The following NRXN3 variants were observed in gnomAD, a reference collection of about 807,000 sequenced individuals.
NRXN3 encodes the protein neurexin III.
In NRXN3, 32 loss-of-function variants were observed where a neutral mutation model predicts 137.6. That is an observed-to-expected ratio of 0.23 (90% CI 0.18 to 0.31). NRXN3 has a LOEUF of 0.31. NRXN3 is among the 10% of genes least tolerant of loss of function. The pLI, the probability that NRXN3 is intolerant of heterozygous loss-of-function variation, is 1.00. For synonymous variants in NRXN3, 798 were observed against 784.5 expected (o/e 1.02, Z -0.29); for missense variants, 1,574 against 2,062.5 (o/e 0.76, Z 4.59).
At chr14:78,175,400 C>A (rs112558141) in intron 1 of NRXN3, among the ~76,000 whole-genome samples, 3 of 152,298 alleles carry the variant, frequency 2.0e-5, no homozygotes, top group African/African-American at 7.2e-5. Context: ...CGGCCGTGTT[C>A]TCCTTACATG....
chr14:78,869,748 C>G (rs550234142), intron 10 of NRXN3, among the ~76,000 whole-genome samples: 1 of 152,230 alleles, frequency 6.6e-6, no homozygotes, highest in South Asian at 2.1e-4. Context: ...TCTGTGTGTA[C>G]TTCATCTTAT....
At chr14:79,140,074 CAAT>C (rs2058653188) in intron 15 of NRXN3, among the ~76,000 whole-genome samples, 1 of 151,890 alleles carries the variant, frequency 6.6e-6, no homozygotes, top group Admixed American at 6.6e-5. Flanking sequence ...TTTTTGAAGA[CAAT>C]AAAATTGTCA....
At position 78,208,520 on chromosome 14, in the gene NRXN3, C is replaced by A. The variant is rs60973131; in HGVS notation, c.-703-33871C>A. Among the ~76,000 whole-genome samples, 1,175 of 152,322 alleles carry A rather than the reference C, an allele frequency of 7.7e-3. 35 individuals carry two copies. The East Asian group carries it at 0.099, about 13-fold the overall frequency. On this transcript the variant is annotated intron_variant, in intron 1 of 20. Coordinates refer to ENST00000335750, the MANE Select transcript of NRXN3 (RefSeq NM_001330195.2). ...TTAAAATTCAGATCAAATGCCTCCT[C>A]TCTGAGGCCATCCCTATACCAGTGG... is the stretch of plus-strand genomic sequence containing the variant.
rs376087923 is a variant in NRXN3 at position 79,861,985 on chromosome 14, C to A, written c.*21C>A. The A allele has an allele frequency of 6.4e-6, 10 of 1,568,968 alleles. No homozygotes were observed. Among genetic ancestry groups the A allele is most frequent in the African/African-American group, 1.4e-5 (1 of 73,690 alleles). Reference sequence around the variant, plus strand: ...TGTAAACATGCGAACACTGCTCACACGCGAGTTTTCACAGTTATTTCTATC... The same window carrying A: ...TGTAAACATGCGAACACTGCTCACAAGCGAGTTTTCACAGTTATTTCTATC... On this transcript the variant is annotated 3_prime_UTR_variant, in exon 21 of 21. Transcript: ENST00000335750. The surrounding 1 kb of genome is among the most constrained non-coding windows in gnomAD (Gnocchi z 5.4).
chr14:79,838,168 A>C (rs577292503), intron 20 of NRXN3, among the ~76,000 whole-genome samples: 1 of 152,314 alleles, frequency 6.6e-6, no homozygotes, highest in East Asian at 1.9e-4. Flanking sequence ...AAAAGTCATA[A>C]AGTACTAAGT....
intron 4 of NRXN3, among the ~76,000 whole-genome samples, chr14:78,406,977 G>A (rs1365936460): frequency 6.6e-6 from 1 of 152,160 alleles, no homozygotes; most frequent in Non-Finnish European, 1.5e-5. Flanking sequence ...GGTCCTAAAA[G>A]TCAACAGGTG....
chr14:78,587,147 CTAGT>C (rs1448823801), intron 4 of NRXN3, among the ~76,000 whole-genome samples: 1 of 152,218 alleles, frequency 6.6e-6, no homozygotes, highest in East Asian at 1.9e-4. Flanking sequence ...AGGTTTGCTC[CTAGT>C]TAAAGAGTCA....
At chr14:79,470,296 A>G (rs1273672270) in intron 16 of NRXN3, among the ~76,000 whole-genome samples, 1 of 152,168 alleles carries the variant, frequency 6.6e-6, no homozygotes, top group Non-Finnish European at 1.5e-5. Flanking sequence ...GTAATTTATA[A>G]GGAACATAAA....
chr14:79,048,394 T>C (rs2099636213), intron 15 of NRXN3, among the ~76,000 whole-genome samples: 1 of 152,106 alleles, frequency 6.6e-6, no homozygotes, highest in South Asian at 2.1e-4. Context: ...CTTGGAGATA[T>C]TACAAGTTTG....
At chr14:78,585,233 C>T (rs2097050611) in intron 4 of NRXN3, among the ~76,000 whole-genome samples, 1 of 151,916 alleles carries the variant, frequency 6.6e-6, no homozygotes, top group African/African-American at 2.4e-5. Context: ...AGAGCCTGAG[C>T]CAAAAGGCTA....
At chr14:78,860,967 C>T (rs1315284067) in intron 10 of NRXN3, among the ~76,000 whole-genome samples, 1 of 151,944 alleles carries the variant, frequency 6.6e-6, no homozygotes, top group East Asian at 1.9e-4. Flanking sequence ...ATTCAGGGGT[C>T]GACTGTACCT....
intron 19 of NRXN3, among the ~76,000 whole-genome samples, chr14:79,764,478 G>A (rs1162185747): frequency 2.6e-5 from 4 of 152,162 alleles, no homozygotes; most frequent in Non-Finnish European, 5.9e-5. Flanking sequence ...TGAGGGAGCC[G>A]TTACATTGTT....
chr14:78,916,012 C>T (rs1281447800), intron 10 of NRXN3, among the ~76,000 whole-genome samples: 1 of 152,078 alleles, frequency 6.6e-6, no homozygotes, highest in African/African-American at 2.4e-5. Flanking sequence ...CAAGATAAGA[C>T]ACTCTTGTGT....
At chr14:78,296,589 G>A (rs564457374) in intron 3 of NRXN3, among the ~76,000 whole-genome samples, 137 of 152,176 alleles carry the variant, frequency 9.0e-4, no homozygotes, top group Admixed American at 1.6e-3. Context: ...TCATTCTTCC[G>A]TGAGTATTTA....
chr14:78,538,116 C>G (rs1286211411), intron 4 of NRXN3, among the ~76,000 whole-genome samples: 4 of 151,998 alleles, frequency 2.6e-5, no homozygotes, highest in Non-Finnish European at 5.9e-5. Context: ...TCCATATGAA[C>G]TTTAAAGTAG....
chr14:78,573,689 A>T (rs1052023776), intron 4 of NRXN3, among the ~76,000 whole-genome samples: 2 of 152,154 alleles, frequency 1.3e-5, no homozygotes, highest in South Asian at 2.1e-4. Flanking sequence ...ATTCACAAAG[A>T]TATGGTTTGG....
intron 8 of NRXN3, among the ~76,000 whole-genome samples, chr14:78,749,363 C>G (rs1409388033): frequency 6.6e-6 from 1 of 152,138 alleles, no homozygotes; most frequent in Admixed American, 6.5e-5. Context: ...TTAAGAAAAG[C>G]TTTTATGCTC....
intron 4 of NRXN3, among the ~76,000 whole-genome samples, chr14:78,312,694 G>C (rs964362387): frequency 1.3e-5 from 2 of 151,978 alleles, no homozygotes; most frequent in African/African-American, 4.8e-5. Context: ...GATGGGTTAA[G>C]TTTAGTGCCC....
At chr14:78,662,169 G>T (rs2097847259) in intron 6 of NRXN3, among the ~76,000 whole-genome samples, 1 of 151,954 alleles carries the variant, frequency 6.6e-6, no homozygotes, top group Non-Finnish European at 1.5e-5. Context: ...ACTGCGCCAG[G>T]CCCAGAATAA....
Sources: allele counts gnomAD v4.1 joint callset (sites outside exome capture counted in the v4.1 genomes callset), GRCh38; gene constraint gnomAD v4.1.1; non-coding constraint Gnocchi (gnomAD v3.1); transcripts MANE v1.5; gene names NCBI Gene and HGNC (gene_info 2026-07-23, HGNC 2026-07-21).